The following RBPJ variants were observed in gnomAD, a reference collection of about 807,000 sequenced individuals.
The protein encoded by RBPJ is recombination signal binding protein for immunoglobulin kappa J region.
Under a neutral mutation model 67.8 loss-of-function variants are expected in RBPJ, and 9 were observed. The observed-to-expected ratio is 0.13, with a 90% CI of 0.08 to 0.23. RBPJ has a LOEUF of 0.23. RBPJ is among the 10% of genes least tolerant of loss of function. The pLI is 1.00. For missense variants in RBPJ, 305 were observed against 595.6 expected, an observed-to-expected ratio of 0.51 and a Z score of 5.08; for synonymous variants, 198 against 203.3, an observed-to-expected ratio of 0.97 and a Z score of 0.22.
At chr4:26,276,000 C>A (rs1199384901) in intron 1 of RBPJ, among the ~76,000 whole-genome samples, 1 of 149,474 alleles carries the variant, frequency 6.7e-6, no homozygotes, top group African/African-American at 2.5e-5. Context: ...GTAGGCTGGG[C>A]GTGGTGGCTC....
intron 1 of RBPJ, among the ~76,000 whole-genome samples, chr4:26,283,671 G>T (rs1216945920): frequency 3.4e-5 from 5 of 149,104 alleles, no homozygotes; most frequent in Admixed American, 6.6e-5. Flanking sequence ...TTTTGAGACG[G>T]TGTCTTGCTC....
chr4:26,336,163 A>C (rs995642122), intron 1 of RBPJ, among the ~76,000 whole-genome samples: 1 of 152,224 alleles, frequency 6.6e-6, no homozygotes, highest in Admixed American at 6.5e-5. Context: ...GGCTAAATCG[A>C]TGCAAAGTGA....
chr4:26,205,281 T>G (rs1718130872), intron 1 of RBPJ, among the ~76,000 whole-genome samples: 1 of 152,174 alleles, frequency 6.6e-6, no homozygotes, highest in African/African-American at 2.4e-5. Context: ...CAGCTGCCAG[T>G]GTGGAGTATA....
At chr4:26,122,607 TTAATG>T in the RBPJ span, among the ~76,000 whole-genome samples, 1 of 152,224 alleles carries the variant, frequency 6.6e-6, no homozygotes, top group Non-Finnish European at 1.5e-5. Context: ...TTGGAGATGA[TTAATG>T]TAAAACACAT....
intron 1 of RBPJ, among the ~76,000 whole-genome samples, chr4:26,346,083 A>G (rs1344987676): frequency 6.6e-6 from 1 of 152,220 alleles, no homozygotes; most frequent in Non-Finnish European, 1.5e-5. Flanking sequence ...TGAAATTTCA[A>G]AAATAGTCAA....
intron 1 of RBPJ, among the ~76,000 whole-genome samples, chr4:26,257,623 C>T (rs1477421977): frequency 6.6e-6 from 1 of 152,288 alleles, no homozygotes; most frequent in East Asian, 1.9e-4. Flanking sequence ...GAGTGAAACT[C>T]TGTCTCAAAA....
chr4:26,338,090 T>TG (rs1725058237), intron 1 of RBPJ, among the ~76,000 whole-genome samples: 2 of 150,942 alleles, frequency 1.3e-5, no homozygotes, highest in African/African-American at 4.9e-5. Context: ...TTGTGTTTTT[T>TG]TGTTGTTTTT....
At chr4:26,286,751 C>G (rs982436175) in intron 1 of RBPJ, among the ~76,000 whole-genome samples, 1 of 151,034 alleles carries the variant, frequency 6.6e-6, no homozygotes, top group Non-Finnish European at 1.5e-5. Context: ...TGAGGGGCAC[C>G]CTTTCTTTTG....
intron 1 of RBPJ, chr4:26,362,384 C>T: frequency 1.0e-6 from 1 of 1,003,744 alleles, no homozygotes; most frequent in Non-Finnish European, 1.4e-6. Context: ...GCAGTTAACA[C>T]AGTGCACTAG....
the RBPJ span, among the ~76,000 whole-genome samples, chr4:26,134,929 G>T: frequency 6.6e-6 from 1 of 152,088 alleles, no homozygotes; most frequent in African/African-American, 2.4e-5. Flanking sequence ...AAGGAAACTC[G>T]CCCTGAGACA....
At chr4:26,355,023 T>C (rs1039143911) in intron 1 of RBPJ, among the ~76,000 whole-genome samples, 1 of 152,280 alleles carries the variant, frequency 6.6e-6, no homozygotes, top group Non-Finnish European at 1.5e-5. Context: ...TTAAAACTTG[T>C]TTTTCTTATT....
intron 1 of RBPJ, 68 bp downstream of exon 1, chr4:26,321,116 C>T: frequency 1.5e-6 from 2 of 1,356,742 alleles, no homozygotes; most frequent in Non-Finnish European, 2.1e-6. Flanking sequence ...TCACGGCGGG[C>T]AGCGGGTTCG....
rs2109850942 is a variant in RBPJ, at chr4:26,432,991, AG to A, written c.*1986del. 1 of 152,308 alleles carries A rather than the reference AG, an allele frequency of 6.6e-6. No individual in the cohort carries two copies. Among genetic ancestry groups the A allele is most frequent in the South Asian group, 2.1e-4 (1 of 4,828 alleles). The allele number at this position is 152,308 out of a possible 1,614,324, so 9.4% of individuals were successfully genotyped here. On this transcript the variant is annotated 3_prime_UTR_variant, in exon 11 of 11. Transcript: ENST00000355476. ...GCCTTTTCCTCAGTTTTCAAGGGGA[AG>A]GTCATTTGTAAAGCACGTTAGGTGG...
intron 1 of RBPJ, among the ~76,000 whole-genome samples, chr4:26,295,578 A>G (rs1246476062): frequency 6.6e-6 from 1 of 152,150 alleles, no homozygotes; most frequent in African/African-American, 2.4e-5. Context: ...AAGAGAGGAA[A>G]GAATGGGTAG....
At chr4:26,398,125 A>G (rs1344253707) in intron 2 of RBPJ, among the ~76,000 whole-genome samples, 1 of 152,160 alleles carries the variant, frequency 6.6e-6, no homozygotes, top group Non-Finnish European at 1.5e-5. Flanking sequence ...TACAACAAAA[A>G]TAAGTTTCTT....
At chr4:26,145,028 CTTTTTTT>C in the RBPJ span, among the ~76,000 whole-genome samples, 1 of 146,680 alleles carries the variant, frequency 6.8e-6, no homozygotes, top group African/African-American at 2.6e-5. Context: ...TCTTCTTCTT[CTTTTTTT>C]TTTTTTTTTT....
At chr4:26,338,225 G>C (rs1249567937) in intron 1 of RBPJ, among the ~76,000 whole-genome samples, 1 of 141,956 alleles carries the variant, frequency 7.0e-6, no homozygotes. Context: ...GCGCAATCTC[G>C]GCTCACTGCA....
At chr4:26,128,668 CG>C in the RBPJ span, among the ~76,000 whole-genome samples, 2 of 152,124 alleles carry the variant, frequency 1.3e-5, no homozygotes, top group Non-Finnish European at 2.9e-5. Context: ...GATGACTAAA[CG>C]GGCATCTTAT....
At chr4:26,377,768 G>A (rs1438615064) in intron 1 of RBPJ, among the ~76,000 whole-genome samples, 1 of 152,068 alleles carries the variant, frequency 6.6e-6, no homozygotes, top group African/African-American at 2.4e-5. Context: ...TTTATTTTAA[G>A]CCACTTGTAT....
Sources: gnomAD v4.1 joint callset for allele counts (sites outside exome capture counted in the v4.1 genomes callset) on GRCh38, gnomAD v4.1.1 for gene constraint, MANE v1.5 for transcripts, NCBI Gene and HGNC (gene_info 2026-07-23, HGNC 2026-07-21) for gene names.